The following DACH2 variants were observed in gnomAD, a reference collection of about 807,000 sequenced individuals.
The protein encoded by DACH2 is dachshund family transcription factor 2.
DACH2 carries 17 observed loss-of-function variants against 35.8 expected under a neutral mutation model. That is an observed-to-expected ratio of 0.48 (90% CI 0.33 to 0.71). The LOEUF (loss-of-function observed/expected upper bound fraction) is 0.71, where lower values mean the gene tolerates loss of function less well. Among genes scored for constraint, DACH2 ranks in the 30% least tolerant of loss-of-function variants. The pLI is 0.02. For synonymous variants in DACH2, 195 were observed against 177.3 expected (o/e 1.10, Z -0.79); for missense variants, 469 against 472.7 (o/e 0.99, Z 0.07).
At chrX:86,757,652 A>G (rs988180025) in intron 7 of DACH2, among the ~76,000 whole-genome samples, 9 of 111,454 alleles carry the variant, frequency 8.1e-5, no homozygotes, top group Admixed American at 3.8e-4. Flanking sequence ...CTCCCTTGCT[A>G]TTCTCATAAT....
intron 3 of DACH2, among the ~76,000 whole-genome samples, chrX:86,613,872 T>C (rs2039974709): frequency 8.9e-6 from 1 of 111,992 alleles, no homozygotes; most frequent in East Asian, 2.8e-4. Flanking sequence ...ATCTAATTTA[T>C]AAAATATTAT....
intron 7 of DACH2, among the ~76,000 whole-genome samples, chrX:86,787,718 T>C (rs749226625): frequency 6.4e-5 from 7 of 110,104 alleles, no homozygotes; most frequent in Non-Finnish European, 1.1e-4. Context: ...ATAAATAGGG[T>C]TTTTTACTCC....
At chrX:86,769,647 A>G (rs1452325210) in intron 7 of DACH2, among the ~76,000 whole-genome samples, 1 of 111,735 alleles carries the variant, frequency 8.9e-6, no homozygotes, top group African/African-American at 3.3e-5. Context: ...TTCTAGGTGC[A>G]TGTATCTGTA....
chrX:86,518,758 T>G (rs984177431), intron 3 of DACH2, among the ~76,000 whole-genome samples: 1 of 112,115 alleles, frequency 8.9e-6, no homozygotes, highest in Non-Finnish European at 1.9e-5. Context: ...ATCCTGCAAC[T>G]GTGCTGAAGT....
At chrX:86,460,954 C>T (rs2037561797) in intron 2 of DACH2, among the ~76,000 whole-genome samples, 1 of 111,398 alleles carries the variant, frequency 9.0e-6, no homozygotes, top group Non-Finnish European at 1.9e-5. Flanking sequence ...TATTGCTTGC[C>T]TTGCACAAAT....
At chrX:86,713,845 A>G (rs1281300813) in intron 5 of DACH2, among the ~76,000 whole-genome samples, 1 of 112,152 alleles carries the variant, frequency 8.9e-6, no homozygotes, top group African/African-American at 3.2e-5. Context: ...ATTCTTTCAG[A>G]TATTTCAAAT....
At chrX:86,274,490 C>CTT (rs2033876912) in intron 1 of DACH2, among the ~76,000 whole-genome samples, 1 of 10,115 alleles carries the variant, frequency 9.9e-5, no homozygotes, top group Non-Finnish European at 1.5e-4. Context: ...CGGAGTCTTT[C>CTT]TGTTTTTTTT....
chrX:86,324,023 C>T (rs1447824511), intron 1 of DACH2, among the ~76,000 whole-genome samples: 2 of 111,832 alleles, frequency 1.8e-5, no homozygotes, highest in African/African-American at 6.5e-5. Context: ...CCTAGGCGAG[C>T]CCCCAAAATG....
intron 11 of DACH2, among the ~76,000 whole-genome samples, chrX:86,817,774 A>G (rs2042467702): frequency 1.8e-5 from 2 of 112,047 alleles, no homozygotes; most frequent in Non-Finnish European, 3.8e-5. Flanking sequence ...ATTAGGAGAT[A>G]TAAGCAAAAG....
intron 3 of DACH2, among the ~76,000 whole-genome samples, chrX:86,549,557 A>G (rs949106882): frequency 8.2e-5 from 9 of 110,289 alleles, no homozygotes; most frequent in African/African-American, 2.6e-4. Flanking sequence ...ATAAGTTACG[A>G]ATACTATTTA....
At chrX:86,271,996 G>C (rs1334645224) in intron 1 of DACH2, among the ~76,000 whole-genome samples, 1 of 110,912 alleles carries the variant, frequency 9.0e-6, no homozygotes, top group East Asian at 2.8e-4. Context: ...AGCTCCCCAT[G>C]CTTCTCAGTC....
chrX:86,149,113 G>T lies in DACH2; in HGVS notation c.488+5G>T, dbSNP rs2030268239. ...CACCGATTGCACCAATGCCAGGTGA[G>T]ACACTCGTTTCTTGGCTCTCCCACT... On this transcript the variant is annotated splice_donor_5th_base_variant and intron_variant, in intron 1 of 11. Coordinates refer to ENST00000373125, the MANE Select transcript of DACH2 (RefSeq NM_053281.3). 1.7e-6 allele frequency: 2 copies of T among 1,171,975 alleles called. No homozygotes were observed. The highest frequency in any genetic ancestry group is 2.0e-5 in the South Asian group (1 of 50,330).
chrX:86,779,311 T>C (rs1411166442), intron 7 of DACH2, among the ~76,000 whole-genome samples: 1 of 111,293 alleles, frequency 9.0e-6, no homozygotes, highest in Non-Finnish European at 1.9e-5. Context: ...TGAGGACAGA[T>C]CATTATAGCC....
rs369741223 is a variant in DACH2, at chrX:86,286,949, A to T, written c.489-89875A>T. Among the ~76,000 whole-genome samples, 82 of 111,514 alleles carry T rather than the reference A, an allele frequency of 7.4e-4. 1 individual carries two copies. The highest frequency in any genetic ancestry group is 5.6e-3 in the East Asian group (20 of 3,557). ...CGTAATATTCTGTGTTTTTTTCTGT[A>T]ATTACTATTAATATTACCAGTGAGG... On this transcript the variant is annotated intron_variant, in intron 1 of 11. Transcript: ENST00000373125.
At chrX:86,621,392 C>T (rs111402435) in intron 3 of DACH2, among the ~76,000 whole-genome samples, 6,868 of 110,837 alleles carry the variant, frequency 0.062, 191 homozygotes, top group East Asian at 0.14. Context: ...ATGAATTATC[C>T]AGACAAGTGC....
At chrX:86,695,266 T>A in intron 5 of DACH2, 87 bp downstream of exon 5, 1 of 779,722 alleles carries the variant, frequency 1.3e-6, no homozygotes, top group Non-Finnish European at 1.7e-6. Flanking sequence ...CAGGGCTTAG[T>A]CTATTTTTCT....
chrX:86,349,414 C>T (rs771935052), intron 1 of DACH2, among the ~76,000 whole-genome samples: 135 of 111,800 alleles, frequency 1.2e-3, no homozygotes, highest in African/African-American at 4.2e-3. Flanking sequence ...TTTTTATAGG[C>T]ACAGGATGGG....
intron 2 of DACH2, among the ~76,000 whole-genome samples, chrX:86,473,523 C>G (rs2037792992): frequency 9.0e-6 from 1 of 111,364 alleles, no homozygotes; most frequent in Admixed American, 9.6e-5. Flanking sequence ...CCATCACCCA[C>G]TACCCTTCCA....
intron 2 of DACH2, among the ~76,000 whole-genome samples, chrX:86,511,019 T>A (rs986162827): frequency 8.9e-6 from 1 of 112,131 alleles, no homozygotes; most frequent in African/African-American, 3.2e-5. Context: ...TTTCAACCTA[T>A]GCCGATTAAA....
Sources: gnomAD v4.1 joint callset for allele counts (sites outside exome capture counted in the v4.1 genomes callset) on GRCh38, gnomAD v4.1.1 for gene constraint, MANE v1.5 for transcripts, NCBI Gene and HGNC (gene_info 2026-07-23, HGNC 2026-07-21) for gene names.